Variants in ESS2 observed in about 807,000 individuals in gnomAD.
The protein encoded by ESS2 is splicing factor ESS-2 homolog.
In ESS2, 31 loss-of-function variants were observed where a neutral mutation model predicts 52.0. The observed-to-expected ratio is 0.60, with a 90% CI of 0.45 to 0.81. ESS2 has a LOEUF of 0.81. ESS2 is among the 30% of genes least tolerant of loss of function. ESS2 has a pLI of 0.00. For missense variants in ESS2, 602 were observed against 637.2 expected (o/e 0.94, Z 0.59); for synonymous variants, 285 against 259.2 (o/e 1.10, Z -0.95).
chr22:19,131,229 G>A lies in ESS2; in HGVS notation c.*2967C>T. 1 of 615,390 alleles carries A rather than the reference G, an allele frequency of 1.6e-6. No individual in the cohort carries two copies. The highest frequency in any genetic ancestry group is 2.0e-5 in the South Asian group (1 of 49,042). 38.1% of individuals were successfully genotyped at this position (615,390 alleles called of 1,614,324 possible). On this transcript the variant is annotated 3_prime_UTR_variant, in exon 10 of 10. Coordinates refer to ENST00000252137, the MANE Select transcript of ESS2 (RefSeq NM_022719.3). This position sits in a 1 kb window ranked among gnomAD's most constrained non-coding sequence, Gnocchi z 5.7. ...CCGCCCCCACTCCTTGGCTTTATGA[G>A]TTCATTGGCTGAAGTCACCCGGAGA...
chr22:19,138,265 G>C lies in ESS2; in HGVS notation c.875C>G (p.Ser292Cys), dbSNP rs146974447. The C allele has an allele frequency of 6.2e-6, 10 of 1,613,900 alleles. No homozygotes were observed. Among genetic ancestry groups the C allele is most frequent in the Non-Finnish European group, 8.5e-6 (10 of 1,179,960 alleles). ...AAATCCAAATCCACCCACTCGAGGG[G>C]ACTCCTGGGGGATCAGCTCCTTGCC... The part of the protein sequence containing the change: ...PDGKELIPQE[S>C]PRVGGFGFVA... Residue 292 changes from serine (S) to cysteine (C), a missense_variant, in exon 7 of 10, where the codon TCC becomes TGC. Transcript: ENST00000252137.
rs1395257872 is a variant in ESS2 at position 19,133,270 on chromosome 22, C to T, written c.*926G>A. On this transcript the variant is annotated 3_prime_UTR_variant, in exon 10 of 10. Transcript: ENST00000252137. ...GCCAAGTGCTCCAGGTGGTCAGCAC[C>T]TAGACATGCTCCTCCCCCCTCCCTC... The T allele has an allele frequency of 6.6e-6, 1 of 152,478 alleles. No homozygotes were observed. The highest frequency in any genetic ancestry group is 2.4e-5 in the African/African-American group (1 of 41,466). 9.4% of individuals were successfully genotyped at this position (152,478 alleles called of 1,614,324 possible). A position where few individuals can be genotyped will look rare whatever the true frequency, so the allele number is the denominator to read the frequency against.
chr22:19,144,225 T>C (rs900418189), intron 1 of ESS2: 2 of 1,199,514 alleles, frequency 1.7e-6, no homozygotes, highest in African/African-American at 1.6e-5. Flanking sequence ...TCCTTCCAGT[T>C]TGTCAAACTC....
At chr22:19,134,912 G>A (rs1450333420) in intron 9 of ESS2, 148 bp downstream of exon 9, 2 of 662,952 alleles carry the variant, frequency 3.0e-6, no homozygotes, top group Non-Finnish European at 5.2e-6. Flanking sequence ...CTGGATAGAG[G>A]AGCTGCCACA....
intron 3 of ESS2, among the ~76,000 whole-genome samples, chr22:19,140,744 C>T (rs762952706): frequency 2.0e-5 from 3 of 152,218 alleles, no homozygotes; most frequent in Non-Finnish European, 4.4e-5. Context: ...ACCTGCTACA[C>T]GTGAGGCTAT....
chr22:19,144,311 T>G, intron 1 of ESS2, 195 bp downstream of exon 1: 1 of 1,357,196 alleles, frequency 7.4e-7, no homozygotes, highest in Non-Finnish European at 9.5e-7. Flanking sequence ...CTCTTTTCCC[T>G]GACAACACTA....
At chr22:19,138,870 G>A (rs928907858) in intron 6 of ESS2, among the ~76,000 whole-genome samples, 1 of 152,178 alleles carries the variant, frequency 6.6e-6, no homozygotes, top group African/African-American at 2.4e-5. Flanking sequence ...CCCGGTGTGT[G>A]GGCGTGCAGC....
In ESS2 at chr22:19,133,646, C is replaced by G. The variant is rs746065796; in HGVS notation, c.*550G>C. The G allele has an allele frequency of 6.6e-6, 1 of 152,480 alleles. No individual in the cohort carries two copies. The highest frequency in any genetic ancestry group is 1.5e-5 in the Non-Finnish European group (1 of 68,266). 9.4% of individuals were successfully genotyped at this position (152,480 alleles called of 1,614,324 possible). A position where few individuals can be genotyped will look rare whatever the true frequency, so the allele number is the denominator to read the frequency against. On this transcript the variant is annotated 3_prime_UTR_variant, in exon 10 of 10. Coordinates refer to ENST00000252137, the MANE Select transcript of ESS2 (RefSeq NM_022719.3). Reference sequence around the variant, plus strand: ...CCAGAGTGGAGGCTGCAGACCTGGGCCCAGAACCGCAGGGGAACCTAAGGG... The same window carrying G: ...CCAGAGTGGAGGCTGCAGACCTGGGGCCAGAACCGCAGGGGAACCTAAGGG...
At chr22:19,143,520 T>C (rs371666156) in intron 1 of ESS2, among the ~76,000 whole-genome samples, 3 of 152,286 alleles carry the variant, frequency 2.0e-5, no homozygotes, top group Non-Finnish European at 2.9e-5. Flanking sequence ...AATGTGGGTG[T>C]TGTCACTTTC....
At chr22:19,144,378 AC>A in intron 1 of ESS2, 127 bp downstream of exon 1, 2 of 1,530,930 alleles carry the variant, frequency 1.3e-6, no homozygotes, top group Non-Finnish European at 1.8e-6. Flanking sequence ...GACTCGTGGG[AC>A]CGTCCACACC....
In ESS2 at chr22:19,142,808, A is replaced by G. The variant is rs761147220; in HGVS notation, c.222T>C (p.Asn74=). ...TCTGGCGCATCCGTTCCAAGTCTCC[A>G]TTCTCCTCGGCTTCCAGGTACTCCT... The part of the protein sequence containing the change: ...AQKEYLEAEE[N]GDLERMRQIA... The change falls in exon 2 of 10, where the codon AAT becomes AAC. Residue 74 remains asparagine (N), a synonymous_variant. Transcript: ENST00000252137. 4 of 1,614,124 alleles carry G rather than the reference A, an allele frequency of 2.5e-6. No homozygotes were observed. The highest frequency in any genetic ancestry group is 3.4e-6 in the Non-Finnish European group (4 of 1,180,028).
intron 6 of ESS2, among the ~76,000 whole-genome samples, chr22:19,138,832 C>A (rs1280104043): frequency 6.6e-6 from 1 of 152,202 alleles, no homozygotes; most frequent in Non-Finnish European, 1.5e-5. Flanking sequence ...TGGGGCTGGG[C>A]TCCCTCTGCG....
chr22:19,141,584 C>A (rs1055351651), intron 3 of ESS2, among the ~76,000 whole-genome samples: 7 of 152,232 alleles, frequency 4.6e-5, no homozygotes, highest in Non-Finnish European at 1.0e-4. Flanking sequence ...CACAACACCA[C>A]ATGTGCTGTT....
intron 1 of ESS2, 69 bp downstream of exon 1, chr22:19,144,437 G>C (rs1275955121): frequency 1.9e-6 from 3 of 1,604,344 alleles, no homozygotes; most frequent in East Asian, 4.5e-5. Context: ...ACCCGAGAGA[G>C]GGAACCTGAG....
chr22:19,134,961 T>C (rs2083556086), intron 9 of ESS2, 99 bp downstream of exon 9: 1 of 1,164,406 alleles, frequency 8.6e-7, no homozygotes, highest in African/African-American at 1.5e-5. Context: ...CCCTGGACTC[T>C]GCCGCGTGGG....
In ESS2 at chr22:19,142,553, G is replaced by A. The variant is rs765680928; in HGVS notation, c.385C>T (p.Arg129Ter). 10 of 1,607,906 alleles carry A rather than the reference G, an allele frequency of 6.2e-6. No homozygotes were observed. The highest frequency in any genetic ancestry group is 5.1e-6 in the Non-Finnish European group (6 of 1,177,794). ...VVGNKPRPRG[R>*]GLEDGEAGEE... ...CCTCACTCACCATCCTCCAGGCCTC[G>A]GCCGCGGGGCCTGGGCTTGTTGCCC... The change falls in exon 3 of 10, where the codon CGA becomes TGA. Residue 129 changes from arginine (R) to a stop codon, truncating the protein, a stop_gained. Transcript: ENST00000252137. LOFTEE classifies it high-confidence loss of function.
rs373834492 is a variant in ESS2 at position 19,138,172 on chromosome 22, A to T, written c.925+43T>A. 2.5e-6 allele frequency: 4 copies of T among 1,611,348 alleles called. No individual in the cohort carries two copies. In the African/African-American group the frequency reaches 5.3e-5, roughly 22 times the overall value. On this transcript the variant is annotated intron_variant, in intron 7 of 9. Coordinates refer to ENST00000252137, the MANE Select transcript of ESS2 (RefSeq NM_022719.3). ...ACTGAGAAGCCCACCTCCCCCAGGG[A>T]GTCCCAGCAGTAGACCCACTTGCCA...
intron 8 of ESS2, 92 bp from the exon 9 acceptor site, chr22:19,135,267 C>T: frequency 9.7e-7 from 1 of 1,034,266 alleles, no homozygotes. Context: ...GGGTGCCAGC[C>T]TCTCTTTGTT....
In ESS2 at chr22:19,132,435, C is replaced by T. The variant is rs779784685; in HGVS notation, c.*1761G>A. 1.9e-6 allele frequency: 3 copies of T among 1,612,552 alleles called. No individual in the cohort carries two copies. Among genetic ancestry groups the T allele is most frequent in the South Asian group, 1.1e-5 (1 of 91,038 alleles). Reference sequence around the variant, plus strand: ...GGCCGAGACCTCCAGGGCCAAAGACCATCACATCTCCGGAGCTGAGGTGGG... The same window carrying T: ...GGCCGAGACCTCCAGGGCCAAAGACTATCACATCTCCGGAGCTGAGGTGGG... On this transcript the variant is annotated 3_prime_UTR_variant, in exon 10 of 10. Coordinates refer to ENST00000252137, the MANE Select transcript of ESS2 (RefSeq NM_022719.3). This position sits in a 1 kb window ranked among gnomAD's most constrained non-coding sequence, Gnocchi z 4.2.
Sources: gnomAD v4.1 joint callset for allele counts (sites outside exome capture counted in the v4.1 genomes callset) on GRCh38, gnomAD v4.1.1 for gene constraint, Gnocchi (gnomAD v3.1) non-coding constraint, MANE v1.5 for transcripts, NCBI Gene and HGNC (gene_info 2026-07-23, HGNC 2026-07-21) for gene names.